Variants in GNAI3 observed in about 807,000 individuals in gnomAD.
GNAI3 encodes guanine nucleotide-binding protein G(i) subunit alpha-3.
In GNAI3, 12 loss-of-function variants were observed where a neutral mutation model predicts 41.8. That is an observed-to-expected ratio of 0.29 (90% CI 0.18 to 0.47). The LOEUF (loss-of-function observed/expected upper bound fraction) is 0.47, where lower values mean the gene tolerates loss of function less well. Ranked by LOEUF, GNAI3 falls within the 20% of genes least tolerant of loss-of-function variation. The probability of loss-of-function intolerance (pLI) is 1.00; values close to 1 mark genes in which losing one functional copy is unlikely to be tolerated. For missense variants in GNAI3, 360 were observed against 429.6 expected, an observed-to-expected ratio of 0.84 and a Z score of 1.43; for synonymous variants, 132 against 146.5, an observed-to-expected ratio of 0.90 and a Z score of 0.71.
At chr1:109,549,013 G>T (rs556852788) in intron 1 of GNAI3, among the ~76,000 whole-genome samples, 175 bp downstream of exon 1, 44 of 152,276 alleles carry the variant, frequency 2.9e-4, no homozygotes, top group Non-Finnish European at 4.9e-4. Context: ...CGTGATGAGG[G>T]GGGTGGGGTT....
intron 3 of GNAI3, among the ~76,000 whole-genome samples, chr1:109,577,886 GTTTA>G (rs1262209185): frequency 6.6e-6 from 1 of 152,126 alleles, no homozygotes; most frequent in Non-Finnish European, 1.5e-5. Context: ...TTGCTTGTTA[GTTTA>G]TTTGTCTTGA....
Position 109,596,622 on chromosome 1 carries a change from G to C in GNAI3, c.*4300G>C, listed in dbSNP as rs960762958. On this transcript the variant is annotated 3_prime_UTR_variant, in exon 9 of 9. Coordinates refer to ENST00000369851, the MANE Select transcript of GNAI3 (RefSeq NM_006496.4). ...GCCTGCCTTGGCCTCCCAAAGTGCT[G>C]AGATTACAGATGTGAACCACTCCAC... 43 of 152,468 alleles carry C rather than the reference G, an allele frequency of 2.8e-4. No homozygotes were observed. Among genetic ancestry groups the C allele is most frequent in the African/African-American group, 1.0e-3 (43 of 41,562 alleles). The allele number at this position is 152,468 out of a possible 1,614,324, so 9.4% of individuals were successfully genotyped here.
intron 1 of GNAI3, among the ~76,000 whole-genome samples, chr1:109,549,750 C>T (rs1331171096): frequency 1.3e-5 from 2 of 152,166 alleles, no homozygotes; most frequent in African/African-American, 2.4e-5. Flanking sequence ...GCTGTTTTAT[C>T]CTTTTTGGCC....
At chr1:109,585,177 A>G (rs572773401) in intron 5 of GNAI3, among the ~76,000 whole-genome samples, 1 of 152,302 alleles carries the variant, frequency 6.6e-6, no homozygotes, top group African/African-American at 2.4e-5. Flanking sequence ...AAATTGTGTC[A>G]TTTTCTTCAA....
intron 1 of GNAI3, among the ~76,000 whole-genome samples, chr1:109,562,102 A>G (rs564902036): frequency 5.3e-5 from 8 of 152,200 alleles, no homozygotes; most frequent in African/African-American, 1.9e-4. Flanking sequence ...ATGTGTATAT[A>G]TGAATATATG....
Position 109,588,125 on chromosome 1 carries a change from A to G in GNAI3, c.874+1243A>G, listed in dbSNP as rs151335538. Among the ~76,000 whole-genome samples, 1,139 of 152,328 alleles carry G rather than the reference A, an allele frequency of 7.5e-3. 14 individuals carry two copies. The highest frequency in any genetic ancestry group is 0.027 in the Middle Eastern group (8 of 294). On this transcript the variant is annotated intron_variant, in intron 7 of 8. Transcript: ENST00000369851. Reference sequence around the variant, plus strand: ...GCTGGGCGCGGTGGCTCACGCCTGTAATCCCAGCACTTTGGGAGGCCGAGG... The same window carrying G: ...GCTGGGCGCGGTGGCTCACGCCTGTGATCCCAGCACTTTGGGAGGCCGAGG...
chr1:109,563,233 T>G (rs1177002428), intron 1 of GNAI3, among the ~76,000 whole-genome samples: 1 of 152,114 alleles, frequency 6.6e-6, no homozygotes, highest in Non-Finnish European at 1.5e-5. Flanking sequence ...AATATAAAAA[T>G]TAGCCGGTGT....
At position 109,598,167 on chromosome 1, in the gene GNAI3, C is replaced by T. The variant is rs1248223702; in HGVS notation, c.*5845C>T. ...CGCCCAAAATTCTCCTTAGGTTATC[C>T]AGACATTTTTACTAAGATGCTTATT... is the stretch of plus-strand genomic sequence containing the variant. On this transcript the variant is annotated 3_prime_UTR_variant, in exon 9 of 9. Coordinates refer to ENST00000369851, the MANE Select transcript of GNAI3 (RefSeq NM_006496.4). The T allele has an allele frequency of 6.6e-6, 1 of 152,172 alleles. No homozygotes were observed. Among genetic ancestry groups the T allele is most frequent in the Non-Finnish European group, 1.5e-5 (1 of 68,028 alleles). 9.4% of individuals were successfully genotyped at this position (152,172 alleles called of 1,614,324 possible).
At chr1:109,573,837 C>G in intron 2 of GNAI3, 58 bp downstream of exon 2, 2 of 1,592,460 alleles carry the variant, frequency 1.3e-6, no homozygotes, top group Non-Finnish European at 1.7e-6. Context: ...ATATAAAGTC[C>G]ATAGTATCTT....
intron 1 of GNAI3, among the ~76,000 whole-genome samples, chr1:109,551,928 G>A (rs1302148631): frequency 1.3e-5 from 2 of 152,116 alleles, no homozygotes; most frequent in African/African-American, 4.8e-5. Context: ...TTGGGAGGCC[G>A]AGGCTGGTGG....
chr1:109,554,946 A>G (rs1411414399), intron 1 of GNAI3, among the ~76,000 whole-genome samples: 2 of 152,214 alleles, frequency 1.3e-5, no homozygotes, highest in Non-Finnish European at 2.9e-5. Flanking sequence ...ACAAACAAAC[A>G]AACAATACTT....
chr1:109,549,519 GTCT>G (rs1435539851), intron 1 of GNAI3, among the ~76,000 whole-genome samples: 5 of 152,142 alleles, frequency 3.3e-5, no homozygotes, highest in South Asian at 2.1e-4. Flanking sequence ...GTTTTATAAC[GTCT>G]TCTTCTGTTT....
chr1:109,558,408 G>C (rs1648214198), intron 1 of GNAI3, among the ~76,000 whole-genome samples: 1 of 152,148 alleles, frequency 6.6e-6, no homozygotes, highest in South Asian at 2.1e-4. Flanking sequence ...GGGCGACAGA[G>C]TGAGACTCTG....
chr1:109,575,102 G>T (rs1245369364), intron 3 of GNAI3, among the ~76,000 whole-genome samples: 1 of 152,182 alleles, frequency 6.6e-6, no homozygotes, highest in East Asian at 1.9e-4. Context: ...AAGAAAATAT[G>T]TGAATGTGAC....
intron 1 of GNAI3, among the ~76,000 whole-genome samples, chr1:109,561,612 A>T (rs546286158): frequency 6.6e-6 from 1 of 152,264 alleles, no homozygotes; most frequent in Admixed American, 6.5e-5. Flanking sequence ...TCTAGCCTGG[A>T]GATAGAAATG....
chr1:109,567,817 GT>G (rs1648495001), intron 1 of GNAI3, among the ~76,000 whole-genome samples: 1 of 152,184 alleles, frequency 6.6e-6, no homozygotes, highest in Non-Finnish European at 1.5e-5. Context: ...GCCAGGCACT[GT>G]TTTAAGCATT....
intron 1 of GNAI3, among the ~76,000 whole-genome samples, chr1:109,556,361 T>C (rs1038439842): frequency 1.3e-5 from 2 of 152,090 alleles, no homozygotes; most frequent in Non-Finnish European, 1.5e-5. Context: ...TAAAAGTCGC[T>C]CATCTGTAAC....
intron 3 of GNAI3, among the ~76,000 whole-genome samples, chr1:109,577,157 T>C (rs1438423457): frequency 1.3e-5 from 2 of 152,000 alleles, no homozygotes; most frequent in African/African-American, 2.4e-5. Flanking sequence ...AAGGACATGC[T>C]CACTGCTGAG....
intron 1 of GNAI3, among the ~76,000 whole-genome samples, chr1:109,568,249 A>G (rs1462590297): frequency 1.3e-5 from 2 of 152,074 alleles, no homozygotes; most frequent in African/African-American, 2.4e-5. Context: ...AATTAAGAAC[A>G]TGTGTCTGGG....
Sources: allele counts gnomAD v4.1 joint callset (sites outside exome capture counted in the v4.1 genomes callset), GRCh38; gene constraint gnomAD v4.1.1; transcripts MANE v1.5; gene names NCBI Gene and HGNC (gene_info 2026-07-23, HGNC 2026-07-21).